Variants in EBF3 observed in about 807,000 individuals in gnomAD.
EBF3 encodes EBF transcription factor 3.
In EBF3, 18 loss-of-function variants were observed where a neutral mutation model predicts 77.1. The ratio of observed to expected loss-of-function variants is 0.23; its 90% CI spans 0.16 to 0.35. The LOEUF is 0.35. EBF3 is among the 10% of genes least tolerant of loss of function. The pLI is 1.00. For missense variants in EBF3, 558 were observed against 860.0 expected, an observed-to-expected ratio of 0.65 and a Z score of 4.39; for synonymous variants, 350 against 343.5, an observed-to-expected ratio of 1.02 and a Z score of -0.21.
At chr10:129,875,511 A>G (rs2134118146) in intron 7 of EBF3, among the ~76,000 whole-genome samples, 1 of 152,178 alleles carries the variant, frequency 6.6e-6, no homozygotes, top group South Asian at 2.1e-4. Flanking sequence ...TTTCGTTTTA[A>G]ATCTCAGACT....
chr10:129,936,902 T>C (rs917707047), intron 6 of EBF3, among the ~76,000 whole-genome samples: 6 of 152,160 alleles, frequency 3.9e-5, no homozygotes, highest in African/African-American at 1.4e-4. Context: ...AGGGCCATGC[T>C]TTGGCCAAGA....
At chr10:129,869,670 T>C (rs1423614461) in intron 8 of EBF3, among the ~76,000 whole-genome samples, 1 of 152,208 alleles carries the variant, frequency 6.6e-6, no homozygotes, top group Non-Finnish European at 1.5e-5. Flanking sequence ...CCATTAGCTA[T>C]TGTTGTTTAG....
At chr10:129,960,113 G>GA (rs572584659) in intron 4 of EBF3, among the ~76,000 whole-genome samples, 158 of 114,806 alleles carry the variant, frequency 1.4e-3, no homozygotes, top group South Asian at 2.9e-3. Context: ...AAACAGAAAA[G>GA]AAAAAAAAAA....
In EBF3 at chr10:129,962,886, C is replaced by A. The variant is rs1002670367; in HGVS notation, c.355+56G>T. 4 of 1,591,362 alleles carry A rather than the reference C, an allele frequency of 2.5e-6. No individual in the cohort carries two copies. In the East Asian group the frequency reaches 6.7e-5, roughly 27 times the overall value. ...TCAAATCTTTATGTCCTTTCACCAG[C>A]GCAGAAAAGGAGAGCCAGCCGCTGC... On this transcript the variant is annotated intron_variant, in intron 3 of 16. Coordinates refer to ENST00000440978, the MANE Select transcript of EBF3 (RefSeq NM_001375380.1).
intron 12 of EBF3, 106 bp downstream of exon 12, chr10:129,843,031 G>A (rs538550876): frequency 3.5e-6 from 4 of 1,134,554 alleles, no homozygotes; most frequent in South Asian, 1.4e-5. Flanking sequence ...TGGAGTCGCT[G>A]GAAAAGCATG....
chr10:129,842,321 C>A lies in EBF3; in HGVS notation c.1195-28G>T. 1 of 1,555,246 alleles carries A rather than the reference C, an allele frequency of 6.4e-7. No homozygotes were observed. The highest frequency in any genetic ancestry group is 8.7e-7 in the Non-Finnish European group (1 of 1,149,534). On this transcript the variant is annotated intron_variant, in intron 12 of 16. Transcript: ENST00000440978. The surrounding 1 kb of genome is among the most constrained non-coding windows in gnomAD (Gnocchi z 4.4). ...GCAGCAGGAGCAAGTGGGAGCCGGC[C>A]TGTCACCCCAGGCCCGGCCCAGCTG... is the stretch of plus-strand genomic sequence containing the variant.
chr10:129,931,539 A>G (rs1273964198), intron 6 of EBF3, among the ~76,000 whole-genome samples: 3 of 152,244 alleles, frequency 2.0e-5, no homozygotes, highest in Non-Finnish European at 2.9e-5. Context: ...AAGTAGCCCC[A>G]ACAGTTGACT....
intron 6 of EBF3, among the ~76,000 whole-genome samples, chr10:129,948,146 T>C (rs1432512798): frequency 6.7e-6 from 1 of 149,830 alleles, no homozygotes; most frequent in Non-Finnish European, 1.5e-5. Context: ...TAATCACAGC[T>C]ACTTGGGAAA....
At chr10:129,932,931 G>T (rs1359444600) in intron 6 of EBF3, among the ~76,000 whole-genome samples, 2 of 132,608 alleles carry the variant, frequency 1.5e-5, no homozygotes, top group African/African-American at 5.8e-5. Flanking sequence ...AGAATGCTCA[G>T]TGTAGCAGCG....
intron 6 of EBF3, among the ~76,000 whole-genome samples, chr10:129,923,067 T>C (rs1396604893): frequency 6.6e-6 from 1 of 152,198 alleles, no homozygotes; most frequent in Non-Finnish European, 1.5e-5. Context: ...TCTCCACTCT[T>C]GCGCCAAACT....
intron 6 of EBF3, among the ~76,000 whole-genome samples, chr10:129,880,013 G>C (rs1025112681): frequency 6.6e-6 from 1 of 152,150 alleles, no homozygotes; most frequent in African/African-American, 2.4e-5. Context: ...TGTGATTTGA[G>C]AGATTTCTCC....
At position 129,963,632 on chromosome 10, in the gene EBF3, T is replaced by C; in HGVS notation, c.134+3A>G. 3 of 1,444,328 alleles carry C rather than the reference T, an allele frequency of 2.1e-6. No homozygotes were observed. Among genetic ancestry groups the C allele is most frequent in the Non-Finnish European group, 2.8e-6 (3 of 1,084,016 alleles). 89.5% of individuals were successfully genotyped at this position (1,444,328 alleles called of 1,614,324 possible). On this transcript the variant is annotated splice_donor_region_variant and intron_variant, in intron 1 of 16. Transcript: ENST00000440978. This position sits in a 1 kb window ranked among gnomAD's most constrained non-coding sequence, Gnocchi z 7.1. ...AGGGCGCGCGGGGGCGGCCGGTACG[T>C]ACCTCTGGGCGGCCGTGTTGGCGTC...
Position 129,963,331 on chromosome 10 carries a change from G to T in EBF3, c.291+36C>A, listed in dbSNP as rs766975393. The T allele has an allele frequency of 4.9e-5, 76 of 1,555,956 alleles. No homozygotes were observed. In the East Asian group the frequency reaches 1.9e-3, roughly 39 times the overall value. ...CGGCACCGCCTGCCTCCCGCTTCTA[G>T]AAAGAGAGAGGGTGTGATCGTGTGT... On this transcript the variant is annotated intron_variant, in intron 2 of 16. Transcript: ENST00000440978. The surrounding 1 kb of genome is among the most constrained non-coding windows in gnomAD (Gnocchi z 7.1).
intron 9 of EBF3, 65 bp from the exon 10 acceptor site, chr10:129,867,332 G>A (rs1454534101): frequency 2.5e-6 from 4 of 1,596,702 alleles, no homozygotes; most frequent in African/African-American, 2.7e-5. Context: ...ACACTTGCCA[G>A]TTGGATATAA....
intron 15 of EBF3, among the ~76,000 whole-genome samples, chr10:129,839,661 A>C (rs570238177): frequency 1.3e-5 from 2 of 152,348 alleles, no homozygotes; most frequent in African/African-American, 4.8e-5. Context: ...TCCAAAAGAC[A>C]GTGCAGCCCT....
chr10:129,862,079 C>T (rs1028766829), intron 10 of EBF3, among the ~76,000 whole-genome samples: 2 of 152,146 alleles, frequency 1.3e-5, no homozygotes, highest in African/African-American at 4.8e-5. Context: ...AAACCCTCAC[C>T]CAGGGCCAGG....
At position 129,917,651 on chromosome 10, in the gene EBF3, C is replaced by CAAAAAAAAAA. The variant is rs71481019; in HGVS notation, c.554+39597_554+39606dup. Among the ~76,000 whole-genome samples, 88 of 23,582 alleles carry CAAAAAAAAAA rather than the reference C, an allele frequency of 3.7e-3. 14 individuals are homozygous for CAAAAAAAAAA. Among genetic ancestry groups the CAAAAAAAAAA allele is most frequent in the South Asian group, 7.5e-3 (2 of 266 alleles). The allele number at this position is 23,582 out of a possible 152,430, so 15.5% of individuals were successfully genotyped here. On this transcript the variant is annotated intron_variant, in intron 6 of 16. Coordinates refer to ENST00000440978, the MANE Select transcript of EBF3 (RefSeq NM_001375380.1). ...TGGGCACCACAGCAAGACCCTGCCTCAAAAAAAAAAAAAAAAAAAAAAAAA... is the reference window on the plus strand; with the variant it reads ...TGGGCACCACAGCAAGACCCTGCCTCAAAAAAAAAAAAAAAAAAAAAAAAAAAAAAAAAAA...
At chr10:129,905,893 T>A (rs1032260001) in intron 6 of EBF3, among the ~76,000 whole-genome samples, 5 of 152,204 alleles carry the variant, frequency 3.3e-5, no homozygotes, top group African/African-American at 4.8e-5. Flanking sequence ...TGCTTCACAT[T>A]CTACAGCGAT....
intron 6 of EBF3, among the ~76,000 whole-genome samples, chr10:129,900,120 A>G (rs1183945709): frequency 2.0e-5 from 3 of 152,180 alleles, no homozygotes; most frequent in Non-Finnish European, 4.4e-5. Flanking sequence ...TCATGCTCCT[A>G]TGTGCTCTTC....
Sources: gnomAD v4.1 joint callset for allele counts (sites outside exome capture counted in the v4.1 genomes callset) on GRCh38, gnomAD v4.1.1 for gene constraint, Gnocchi (gnomAD v3.1) non-coding constraint, MANE v1.5 for transcripts, NCBI Gene and HGNC (gene_info 2026-07-23, HGNC 2026-07-21) for gene names.